ZFAND4: variants seen among roughly 807,000 people sequenced by gnomAD.
The protein encoded by ZFAND4 is AN1-type zinc finger protein 4.
A neutral mutation model predicts 64.4 loss-of-function variants in ZFAND4; 43 were observed. The observed-to-expected ratio is 0.67, with a 90% CI of 0.52 to 0.86. The LOEUF is 0.86. ZFAND4 is among the 40% of genes least tolerant of loss of function. The pLI is 0.00. For synonymous variants in ZFAND4, 296 were observed against 305.7 expected, an observed-to-expected ratio of 0.97 and a Z score of 0.33; for missense variants, 929 against 859.8, an observed-to-expected ratio of 1.08 and a Z score of -1.01.
intron 5 of ZFAND4, 144 bp from the exon 6 acceptor site, chr10:45,640,107 A>G: frequency 4.7e-6 from 6 of 1,285,924 alleles, no homozygotes; most frequent in Non-Finnish European, 6.2e-6. Context: ...AGGAAAATAT[A>G]TTTCAAAGAA....
At chr10:45,628,921 A>G (rs1166505409) in intron 6 of ZFAND4, among the ~76,000 whole-genome samples, 2 of 149,744 alleles carry the variant, frequency 1.3e-5, no homozygotes, top group African/African-American at 2.5e-5. Context: ...AAAAAAAGGG[A>G]AAAAAAATAA....
At chr10:45,665,730 C>G (rs2048784110) in intron 1 of ZFAND4, among the ~76,000 whole-genome samples, 1 of 152,302 alleles carries the variant, frequency 6.6e-6, no homozygotes, top group African/African-American at 2.4e-5. Context: ...CCAAATTCCC[C>G]CAGTCCCCCA....
Position 45,626,054 on chromosome 10 carries a change from C to G in ZFAND4, c.1769G>C (p.Arg590Thr). The G allele has an allele frequency of 6.2e-7, 1 of 1,614,110 alleles. No individual in the cohort carries two copies. Reference sequence around the variant, plus strand: ...CAGCCCAGTTCCAGAGTTCTGAAGCCTGCCTGCCCCACGTGTGCTCTGTAA... The same window carrying G: ...CAGCCCAGTTCCAGAGTTCTGAAGCGTGCCTGCCCCACGTGTGCTCTGTAA... ...NRLQSTRGAG[R>T]LQNSGTGLST... Residue 590 changes from arginine to threonine, a missense_variant, in exon 7 of 10, where the codon AGG (arginine) becomes ACG (threonine). Transcript: ENST00000344646.
chr10:45,634,541 A>G (rs2046425910), intron 6 of ZFAND4, among the ~76,000 whole-genome samples: 1 of 152,002 alleles, frequency 6.6e-6, no homozygotes, highest in Middle Eastern at 3.2e-3. Context: ...AAAAAAAAAA[A>G]GAATTAAACA....
chr10:45,646,257 T>C (rs2047372670), intron 5 of ZFAND4, among the ~76,000 whole-genome samples: 1 of 152,210 alleles, frequency 6.6e-6, no homozygotes, highest in African/African-American at 2.4e-5. Context: ...TAAGTACCTA[T>C]TTAATATCCT....
At chr10:45,625,919 C>A in intron 7 of ZFAND4, 32 bp downstream of exon 7, 1 of 1,593,062 alleles carries the variant, frequency 6.3e-7, no homozygotes, top group Admixed American at 1.8e-5. Context: ...ACAAGGATAA[C>A]TACTAGAGCA....
rs541888456 is a variant in ZFAND4, at chr10:45,630,651, G to A, written c.718-3546C>T. 1.5e-4 allele frequency among the ~76,000 whole-genome samples: 23 copies of A among 152,122 alleles called. No individual in the cohort carries two copies. The East Asian group carries it at 1.7e-3, about 12-fold the overall frequency. ...GAGGCAGGAGAATTGGCATGAACCC[G>A]GAAGACAAAGCTTGCAGCGAGCCAA... is the stretch of plus-strand genomic sequence containing the variant. On this transcript the variant is annotated intron_variant, in intron 6 of 9. Coordinates refer to ENST00000344646, the MANE Select transcript of ZFAND4 (RefSeq NM_174890.4).
intron 4 of ZFAND4, among the ~76,000 whole-genome samples, chr10:45,649,937 A>G (rs1163036234): frequency 6.6e-6 from 1 of 152,238 alleles, no homozygotes; most frequent in Non-Finnish European, 1.5e-5. Context: ...TTACTCAGGC[A>G]AGTGTATGTG....
chr10:45,630,848 G>A (rs2046157781), intron 6 of ZFAND4, among the ~76,000 whole-genome samples: 1 of 151,738 alleles, frequency 6.6e-6, no homozygotes, highest in Non-Finnish European at 1.5e-5. Context: ...ACAGGGCAGA[G>A]GGGGTATCTC....
chr10:45,640,399 T>C (rs1264470562), intron 5 of ZFAND4: 3 of 1,264,708 alleles, frequency 2.4e-6, no homozygotes, highest in Admixed American at 5.2e-5. Context: ...TACAGATTTT[T>C]AGTCATCCTG....
Position 45,626,987 on chromosome 10 carries a change from C to T in ZFAND4, c.836G>A (p.Cys279Tyr). The part of the protein sequence containing the change: ...LRVLPNIGQS[C>Y]SPAFGNAYPP... ...ATATGCATTCCCAAAAGCAGGTGAA[C>T]AAGATTGACCAATGTTGGGGAGGAC... The change falls in exon 7 of 10, where the codon TGT becomes TAT. Residue 279 changes from cysteine (C) to tyrosine (Y), a missense_variant. By Grantham distance (194) the Cys-to-Tyr change is radical. Coordinates refer to ENST00000344646, the MANE Select transcript of ZFAND4 (RefSeq NM_174890.4). 6.2e-7 allele frequency: 1 copy of T among 1,613,838 alleles called. No individual in the cohort carries two copies. Among genetic ancestry groups the T allele is most frequent in the Non-Finnish European group, 8.5e-7 (1 of 1,179,840 alleles).
chr10:45,638,189 G>A (rs1486771742), intron 6 of ZFAND4, among the ~76,000 whole-genome samples: 1 of 151,738 alleles, frequency 6.6e-6, no homozygotes, highest in Non-Finnish European at 1.5e-5. Flanking sequence ...TGGTTCAAAT[G>A]CTTGGCAAAA....
At chr10:45,639,069 T>C (rs777107743) in intron 6 of ZFAND4, among the ~76,000 whole-genome samples, 10 of 152,148 alleles carry the variant, frequency 6.6e-5, no homozygotes, top group Admixed American at 5.9e-4. Flanking sequence ...ATATTAAAGA[T>C]TTTTGAATTT....
intron 6 of ZFAND4, among the ~76,000 whole-genome samples, chr10:45,635,187 C>T (rs1256555154): frequency 2.1e-5 from 1 of 47,642 alleles, no homozygotes; most frequent in Non-Finnish European, 4.1e-5. Context: ...TAGTCAAAGC[C>T]ATCTAAGCAA....
At chr10:45,620,255 G>A (rs1476075584) in intron 8 of ZFAND4, among the ~76,000 whole-genome samples, 1 of 152,086 alleles carries the variant, frequency 6.6e-6, no homozygotes, top group Non-Finnish European at 1.5e-5. Flanking sequence ...AGGCCAAGGT[G>A]GGCGAATCAA....
chr10:45,631,311 C>T (rs1171212186), intron 6 of ZFAND4, among the ~76,000 whole-genome samples: 12 of 139,604 alleles, frequency 8.6e-5, no homozygotes, highest in African/African-American at 2.3e-4. Flanking sequence ...AGCAAGACTC[C>T]GCCCCCCAAA....
In ZFAND4 at chr10:45,625,968, G is replaced by C. The variant is rs1554828646; in HGVS notation, c.1855C>G (p.His619Asp). 1.2e-6 allele frequency: 2 copies of C among 1,613,978 alleles called. No homozygotes were observed. The highest frequency in any genetic ancestry group is 4.5e-5 in the East Asian group (2 of 44,888). ...ATACTGACCAAAAAAACTCCTGTAT[G>C]TTCTAACTGGGGAGAACTTTTCCTA... ...NFRKSSPQLEHTGVFLSTHGV... is the reference protein window; with the variant it reads ...NFRKSSPQLEDTGVFLSTHGV... Residue 619 changes from histidine to aspartate, a missense_variant, in exon 7 of 10, where the codon CAT becomes GAT. Coordinates refer to ENST00000344646, the MANE Select transcript of ZFAND4 (RefSeq NM_174890.4).
chr10:45,665,357 T>C (rs1370153841), intron 1 of ZFAND4, among the ~76,000 whole-genome samples: 1 of 151,994 alleles, frequency 6.6e-6, no homozygotes, highest in Non-Finnish European at 1.5e-5. Flanking sequence ...CTGGCCAAAA[T>C]GGCGAAACCC....
At chr10:45,624,354 C>A (rs191644935) in intron 8 of ZFAND4, among the ~76,000 whole-genome samples, 1 of 152,248 alleles carries the variant, frequency 6.6e-6, no homozygotes, top group East Asian at 1.9e-4. Context: ...ACATAGATAA[C>A]ACCTCTTCCA....
Sources: allele counts gnomAD v4.1 joint callset (sites outside exome capture counted in the v4.1 genomes callset), GRCh38; gene constraint gnomAD v4.1.1; transcripts MANE v1.5; gene names NCBI Gene and HGNC (gene_info 2026-07-23, HGNC 2026-07-21).